DHX35: variants seen among roughly 807,000 people sequenced by gnomAD.
DHX35 encodes the protein probable ATP-dependent RNA helicase DHX35.
DHX35 carries 84 observed loss-of-function variants against 99.6 expected under a neutral mutation model. The ratio of observed to expected loss-of-function variants is 0.84; its 90% CI spans 0.71 to 1.01. The LOEUF is 1.01. DHX35 is among the 50% of genes least tolerant of loss of function. The pLI, the probability that DHX35 is intolerant of heterozygous loss-of-function variation, is 0.00. For missense variants in DHX35, 852 were observed against 888.5 expected (o/e 0.96, Z 0.52); for synonymous variants, 331 against 316.2 (o/e 1.05, Z -0.50).
chr20:39,023,594 C>T lies in DHX35; in HGVS notation c.1594-96C>T, dbSNP rs1372306397. 1.0e-5 allele frequency: 12 copies of T among 1,162,680 alleles called. No homozygotes were observed. The African/African-American group carries it at 1.8e-4, about 18-fold the overall frequency. The allele number at this position is 1,162,680 out of a possible 1,614,324, so 72.0% of individuals were successfully genotyped here. On this transcript the variant is annotated intron_variant, in intron 16 of 21. Coordinates refer to ENST00000252011, the MANE Select transcript of DHX35 (RefSeq NM_021931.4). ...TCTCGAACTTCTGGGTTCAGGCAATCCTCCCACCTTAGCCTCACCAAATGC... is the reference window on the plus strand; with the variant it reads ...TCTCGAACTTCTGGGTTCAGGCAATTCTCCCACCTTAGCCTCACCAAATGC...
chr20:38,989,344 G>A (rs2086302350), intron 5 of DHX35, among the ~76,000 whole-genome samples: 1 of 139,034 alleles, frequency 7.2e-6, no homozygotes, highest in South Asian at 2.2e-4. Flanking sequence ...TCAATCTCCT[G>A]ACTCGTGATC....
chr20:39,010,931 T>C lies in DHX35; in HGVS notation c.1347+527T>C, dbSNP rs569778730. Among the ~76,000 whole-genome samples, 17 of 152,338 alleles carry C rather than the reference T, an allele frequency of 1.1e-4. No homozygotes were observed. In the East Asian group the frequency reaches 2.7e-3, roughly 24 times the overall value. On this transcript the variant is annotated intron_variant, in intron 13 of 21. Transcript: ENST00000252011. ...TTGTCCTGTTTAGGGTCCTGTTACA[T>C]GGCCAGATTGCTTTACCAATGTCAA...
rs1415123510 is a variant in DHX35 at position 38,994,897 on chromosome 20, C to A, written c.642+17C>A. 2 of 1,611,460 alleles carry A rather than the reference C, an allele frequency of 1.2e-6. No homozygotes were observed. Among genetic ancestry groups the A allele is most frequent in the South Asian group, 2.2e-5 (2 of 90,994 alleles). ...GATGCAGACGTAAGAGCCTTGCCTC[C>A]CCTTTCCTCCTCTCCTCACAAACAC... On this transcript the variant is annotated intron_variant, in intron 8 of 21. Transcript: ENST00000252011.
At chr20:38,976,273 C>T (rs1268806028) in intron 3 of DHX35, among the ~76,000 whole-genome samples, 1 of 151,882 alleles carries the variant, frequency 6.6e-6, no homozygotes, top group South Asian at 2.1e-4. Context: ...TTCCTTTGTG[C>T]AGTTATAATC....
intron 18 of DHX35, 48 bp from the exon 19 acceptor site, chr20:39,028,370 T>C (rs1400924764): frequency 6.3e-7 from 1 of 1,588,190 alleles, no homozygotes; most frequent in East Asian, 2.2e-5. Context: ...ACACGGAGCC[T>C]AGGGCAGGCA....
chr20:38,994,825 A>G lies in DHX35; in HGVS notation c.587A>G (p.Gln196Arg), dbSNP rs200620236. ...TCCAAATGTCTTCTTTTTTAGATTCAGAAAAAGCGAGGGGATCTTCGATTG... is the reference window on the plus strand; with the variant it reads ...TCCAAATGTCTTCTTTTTTAGATTCGGAAAAAGCGAGGGGATCTTCGATTG... ...DIAIGLLKKI[Q>R]KKRGDLRLIV... The change falls in exon 8 of 22, where the codon CAG (glutamine) becomes CGG (arginine). Residue 196 changes from glutamine to arginine, a missense_variant. Transcript: ENST00000252011. 2.9e-5 allele frequency: 46 copies of G among 1,613,412 alleles called. No homozygotes were observed. Among genetic ancestry groups the G allele is most frequent in the Non-Finnish European group, 1.7e-6 (2 of 1,179,536 alleles).
intron 11 of DHX35, among the ~76,000 whole-genome samples, 160 bp downstream of exon 11, chr20:39,004,067 T>C (rs2086570989): frequency 6.6e-6 from 1 of 152,118 alleles, no homozygotes. Flanking sequence ...ATTGTGAAGA[T>C]TTCTTTTTTT....
intron 13 of DHX35, among the ~76,000 whole-genome samples, chr20:39,012,746 G>T (rs6101363): frequency 0.038 from 5,722 of 152,230 alleles, 355 homozygotes; most frequent in African/African-American, 0.13. Context: ...GGCCAGGATG[G>T]TCTTGAACGC....
intron 1 of DHX35, 175 bp downstream of exon 1, chr20:38,962,582 T>A: frequency 1.4e-6 from 1 of 737,648 alleles, no homozygotes; most frequent in Non-Finnish European, 2.2e-6. Context: ...TCCCGAGGGA[T>A]TTGGGGGTGC....
rs142973844 is a variant in DHX35, at chr20:39,008,180, G to C, written c.1222+1824G>C. The stretch of plus-strand genomic sequence containing the variant: ...TGTGTCTGGCTTCTTTTAGCATAAT[G>C]GTTTTGAGGCTTATCTACATTGTAG... On this transcript the variant is annotated intron_variant, in intron 12 of 21. Transcript: ENST00000252011. 6.5e-4 allele frequency among the ~76,000 whole-genome samples: 99 copies of C among 152,246 alleles called. 1 individual carries two copies. Among genetic ancestry groups the C allele is most frequent in the African/African-American group, 2.3e-3 (97 of 41,540 alleles).
chr20:39,001,115 C>A (rs1366980552), intron 8 of DHX35, among the ~76,000 whole-genome samples: 3 of 152,180 alleles, frequency 2.0e-5, no homozygotes, highest in Non-Finnish European at 4.4e-5. Context: ...AGACACTTCT[C>A]CCAACAGGGT....
At chr20:38,975,742 C>T (rs2086065642) in intron 3 of DHX35, among the ~76,000 whole-genome samples, 1 of 152,220 alleles carries the variant, frequency 6.6e-6, no homozygotes, top group African/African-American at 2.4e-5. Context: ...GATTCTATCA[C>T]ATCATCATTG....
At chr20:39,034,357 C>T in intron 21 of DHX35, 40 bp downstream of exon 21, 1 of 1,487,474 alleles carries the variant, frequency 6.7e-7, no homozygotes, top group African/African-American at 1.4e-5. Flanking sequence ...CACCTGTTCA[C>T]AGCCTCTCCA....
chr20:39,013,814 A>G (rs557143759), intron 13 of DHX35, among the ~76,000 whole-genome samples: 50 of 152,360 alleles, frequency 3.3e-4, no homozygotes, highest in African/African-American at 8.2e-4. Flanking sequence ...GATTTGCTCA[A>G]TGGTGATTTG....
In DHX35 at chr20:39,010,262, C is replaced by G. The variant is rs1326103689; in HGVS notation, c.1223-18C>G. 1 of 1,613,952 alleles carries G rather than the reference C, an allele frequency of 6.2e-7. No individual in the cohort carries two copies. Among genetic ancestry groups the G allele is most frequent in the Non-Finnish European group, 8.5e-7 (1 of 1,179,972 alleles). On this transcript the variant is annotated intron_variant, in intron 12 of 21. Transcript: ENST00000252011. ...TTGTGACATTTGGTCCCAAACAGTT[C>G]TGATTTCCTATCCTCAGAGGAAGCC...
At chr20:39,021,981 T>A (rs374916203) in intron 16 of DHX35, 46 bp downstream of exon 16, 27 of 1,592,670 alleles carry the variant, frequency 1.7e-5, no homozygotes, top group East Asian at 1.1e-4. Flanking sequence ...TCTCTTTTGC[T>A]TTGAGCTTTC....
chr20:39,000,680 C>T (rs2086504084), intron 8 of DHX35, among the ~76,000 whole-genome samples: 1 of 152,150 alleles, frequency 6.6e-6, no homozygotes, highest in African/African-American at 2.4e-5. Context: ...AGCACAGCTC[C>T]TGGGCTCCTG....
chr20:39,024,670 T>A (rs1280155890), intron 17 of DHX35, among the ~76,000 whole-genome samples: 1 of 152,228 alleles, frequency 6.6e-6, no homozygotes, highest in Non-Finnish European at 1.5e-5. Context: ...ATTTTCTTTT[T>A]TAAAGCACTT....
intron 20 of DHX35, 132 bp from the exon 21 acceptor site, chr20:39,034,074 C>T: frequency 1.5e-6 from 1 of 662,840 alleles, no homozygotes. Flanking sequence ...AACATAAATG[C>T]ATGTGTTTAG....
Sources: gnomAD v4.1 joint callset for allele counts (sites outside exome capture counted in the v4.1 genomes callset) on GRCh38, gnomAD v4.1.1 for gene constraint, MANE v1.5 for transcripts, NCBI Gene and HGNC (gene_info 2026-07-23, HGNC 2026-07-21) for gene names.